Variants in UTRN observed in about 807,000 individuals in gnomAD.
The protein encoded by UTRN is utrophin.
In UTRN, 283 loss-of-function variants were observed where a neutral mutation model predicts 463.9. The ratio of observed to expected loss-of-function variants is 0.61; its 90% CI spans 0.55 to 0.67. The LOEUF (loss-of-function observed/expected upper bound fraction) is 0.67. Ranked by LOEUF, UTRN falls within the 30% of genes least tolerant of loss-of-function variation. The pLI, the probability that UTRN is intolerant of heterozygous loss-of-function variation, is 0.00. For synonymous variants in UTRN, 1,442 were observed against 1,431.5 expected (o/e 1.01, Z -0.17); for missense variants, 3,922 against 4,084.3 (o/e 0.96, Z 1.08).
At chr6:144,503,414 G>C (rs968186432) in intron 34 of UTRN, among the ~76,000 whole-genome samples, 1 of 152,022 alleles carries the variant, frequency 6.6e-6, no homozygotes, top group African/African-American at 2.4e-5. Context: ...TCCATCTTGA[G>C]TTAATTTTTG....
rs1793401142 is a variant in UTRN, at chr6:144,766,786, G to T, written c.8496-5121G>T. On this transcript the variant is annotated intron_variant, in intron 58 of 74. Transcript: ENST00000367545. The stretch of plus-strand genomic sequence containing the variant: ...AGCAGAAAATGTAGATTTGAGGTAG[G>T]GGTGTGTGTGTGTGTGTGTTTAAGG... 2.0e-5 allele frequency among the ~76,000 whole-genome samples: 3 copies of T among 147,510 alleles called. No homozygotes were observed. In the Middle Eastern group the frequency reaches 0.01, roughly 516 times the overall value.
intron 2 of UTRN, among the ~76,000 whole-genome samples, chr6:144,305,908 A>G (rs927198125): frequency 6.6e-6 from 1 of 152,226 alleles, no homozygotes; most frequent in Non-Finnish European, 1.5e-5. Context: ...TGGATAGGAG[A>G]TTCACTGCAG....
intron 2 of UTRN, among the ~76,000 whole-genome samples, chr6:144,301,322 G>A (rs973426469): frequency 5.3e-5 from 8 of 152,002 alleles, no homozygotes; most frequent in African/African-American, 1.9e-4. Flanking sequence ...TTCAAGATAC[G>A]TAACGTGTTG....
At chr6:144,475,001 T>G (rs1791045421) in intron 25 of UTRN, among the ~76,000 whole-genome samples, 1 of 152,224 alleles carries the variant, frequency 6.6e-6, no homozygotes, top group African/African-American at 2.4e-5. Context: ...TGAAACACAT[T>G]TATGACACTT....
chr6:144,505,056 T>C (rs1794582311), intron 34 of UTRN, among the ~76,000 whole-genome samples: 2 of 152,216 alleles, frequency 1.3e-5, no homozygotes, highest in African/African-American at 4.8e-5. Context: ...TGGAGGTGCT[T>C]ATAGTATCTT....
Position 144,318,519 on chromosome 6 carries a change from A to AGTG in UTRN, c.79+26614_79+26616dup, listed in dbSNP as rs1376333086. ...CGCTCTATCGCCCAGGCTGGAGTGC[A>AGTG]GTGGCGTGATCTTGGCTTACTGGAA... On this transcript the variant is annotated intron_variant, in intron 2 of 74. Transcript: ENST00000367545. 2.6e-5 allele frequency among the ~76,000 whole-genome samples: 4 copies of AGTG among 152,074 alleles called. No individual in the cohort carries two copies. In the East Asian group the frequency reaches 5.8e-4, roughly 22 times the overall value.
At chr6:144,698,613 T>G (rs1345991641) in intron 52 of UTRN, among the ~76,000 whole-genome samples, 3 of 152,204 alleles carry the variant, frequency 2.0e-5, no homozygotes, top group African/African-American at 7.2e-5. Context: ...TCAAGCCCAG[T>G]TCGATTCCTT....
rs149645889 is a variant in UTRN at position 144,845,197 on chromosome 6, G to GAGTT, written c.10271-1606_10271-1603dup. ...GACATTTCCTTCACTTCCTGGCAAG[G>GAGTT]AGTTAAGGAAAGGGGTTTAAATGTA... On this transcript the variant is annotated intron_variant, in intron 73 of 74. Transcript: ENST00000367545. Among the ~76,000 whole-genome samples the GAGTT allele has an allele frequency of 4.5e-3, 679 of 152,316 alleles. 18 individuals carry two copies. In the East Asian group the frequency reaches 0.066, roughly 15 times the overall value.
intron 61 of UTRN, among the ~76,000 whole-genome samples, chr6:144,783,195 C>CAAA (rs11354387): frequency 7.4e-6 from 1 of 135,750 alleles, no homozygotes; most frequent in African/African-American, 2.6e-5. Context: ...GACTCTGTCT[C>CAAA]AAAAAAAAAA....
In UTRN at chr6:144,664,077, A is replaced by C. The variant is rs1018131850; in HGVS notation, c.7480-14329A>C. On this transcript the variant is annotated intron_variant, in intron 51 of 74. Coordinates refer to ENST00000367545, the MANE Select transcript of UTRN (RefSeq NM_007124.3). The stretch of plus-strand genomic sequence containing the variant: ...ATTAAGCAAAAGTAGATGAAATTAT[A>C]AGAGTAATGATAGCCCTAATCTCAG... Among the ~76,000 whole-genome samples the C allele has an allele frequency of 3.9e-5, 6 of 152,222 alleles. No homozygotes were observed. In the South Asian group the frequency reaches 1.2e-3, roughly 32 times the overall value.
chr6:144,734,152 A>G (rs183075720), intron 54 of UTRN, among the ~76,000 whole-genome samples: 109 of 152,282 alleles, frequency 7.2e-4, no homozygotes, highest in African/African-American at 2.4e-3. Flanking sequence ...ATATTTAACA[A>G]CAAGGAAAAT....
intron 48 of UTRN, among the ~76,000 whole-genome samples, chr6:144,553,077 T>C (rs1799065576): frequency 6.6e-6 from 1 of 152,186 alleles, no homozygotes; most frequent in South Asian, 2.1e-4. Flanking sequence ...TCACTCTTGT[T>C]GCCCAGGCTG....
At chr6:144,473,319 G>T (rs910126928) in intron 23 of UTRN, among the ~76,000 whole-genome samples, 1 of 152,072 alleles carries the variant, frequency 6.6e-6, no homozygotes, top group Admixed American at 6.5e-5. Flanking sequence ...TCCCTCTACC[G>T]TGCTATTTGT....
At chr6:144,474,186 T>C (rs1359527647) in intron 24 of UTRN, among the ~76,000 whole-genome samples, 3 of 150,916 alleles carry the variant, frequency 2.0e-5, no homozygotes, top group African/African-American at 7.3e-5. Flanking sequence ...CAAATTCATT[T>C]AAGTATGTTT....
intron 73 of UTRN, among the ~76,000 whole-genome samples, chr6:144,844,119 C>T (rs1301571331): frequency 6.6e-6 from 1 of 152,054 alleles, no homozygotes; most frequent in Non-Finnish European, 1.5e-5. Flanking sequence ...GGACAGCTTT[C>T]CATAAAAATA....
In UTRN at chr6:144,490,980, A is replaced by G. The variant is rs1273149347; in HGVS notation, c.4315A>G (p.Asn1439Asp). The change falls in exon 32 of 75, where the codon AAC (asparagine) becomes GAC (aspartate). Residue 1439 changes from asparagine (N) to aspartate (D), a missense_variant. Asn to Asp is a conservative substitution (Grantham distance 23). Transcript: ENST00000367545. ...TKFQLFQKPA[N>D]FEQRMLDCKR... ...GTTCCAGCTTTTCCAGAAGCCAGCT[A>G]ACTTCGAGCAGCGCATGCTGGACTG... 5.0e-6 allele frequency: 8 copies of G among 1,611,574 alleles called. No individual in the cohort carries two copies. Among genetic ancestry groups the G allele is most frequent in the Non-Finnish European group, 6.8e-6 (8 of 1,178,824 alleles).
chr6:144,332,881 A>G (rs1776435558), intron 2 of UTRN, among the ~76,000 whole-genome samples: 1 of 151,742 alleles, frequency 6.6e-6, no homozygotes, highest in African/African-American at 2.4e-5. Context: ...GTAATCAGTA[A>G]TGTTCTCATG....
chr6:144,816,729 T>G (rs937056791), intron 65 of UTRN, among the ~76,000 whole-genome samples: 24 of 123,678 alleles, frequency 1.9e-4, no homozygotes, highest in East Asian at 1.2e-3. Flanking sequence ...GCCTAGCTTT[T>G]TTCCTTTTTT....
At chr6:144,704,022 A>T (rs1784839325) in intron 53 of UTRN, among the ~76,000 whole-genome samples, 1 of 152,206 alleles carries the variant, frequency 6.6e-6, no homozygotes, top group East Asian at 1.9e-4. Flanking sequence ...AGAGGATACC[A>T]GCTCAAACAG....
Sources: allele counts gnomAD v4.1 joint callset (sites outside exome capture counted in the v4.1 genomes callset), GRCh38; gene constraint gnomAD v4.1.1; transcripts MANE v1.5; gene names NCBI Gene and HGNC (gene_info 2026-07-23, HGNC 2026-07-21).